HSPG2: variants seen among roughly 807,000 people sequenced by gnomAD.
HSPG2 encodes heparan sulfate proteoglycan 2, also known as basement membrane-specific heparan sulfate proteoglycan core protein.
In HSPG2, 278 loss-of-function variants were observed where a neutral mutation model predicts 526.6. That is an observed-to-expected ratio of 0.53 (90% CI 0.48 to 0.58). The LOEUF is 0.58. HSPG2 is among the 20% of genes least tolerant of loss of function. The pLI is 0.00. For missense variants in HSPG2, 5,354 were observed against 6,099.5 expected (o/e 0.88, Z 4.07); for synonymous variants, 2,465 against 2,555.4 (o/e 0.96, Z 1.07).
chr1:21,831,350 C>T, intron 83 of HSPG2, 26 bp from the exon 84 acceptor site: 6 of 1,609,698 alleles, frequency 3.7e-6, no homozygotes, highest in Non-Finnish European at 5.1e-6. Flanking sequence ...GCAGGATGAG[C>T]ACAGGGCAGG....
At chr1:21,920,652 T>C (rs114314102) in intron 1 of HSPG2, among the ~76,000 whole-genome samples, 1 of 152,374 alleles carries the variant, frequency 6.6e-6, no homozygotes, top group Non-Finnish European at 1.5e-5. Context: ...CACATTCCTG[T>C]TGGAGCAACA....
In HSPG2 at chr1:21,855,507, G is replaced by A. The variant is rs1293177646; in HGVS notation, c.5854+16C>T. 1.2e-6 allele frequency: 2 copies of A among 1,610,962 alleles called. No individual in the cohort carries two copies. Among genetic ancestry groups the A allele is most frequent in the Non-Finnish European group, 1.7e-6 (2 of 1,179,332 alleles). ...TGAGCACACTCCCGGCCCCCACCCT[G>A]AGCCCGGCCTCTCACCATGCACGTG... On this transcript the variant is annotated intron_variant, in intron 46 of 96. Coordinates refer to ENST00000374695, the MANE Select transcript of HSPG2 (RefSeq NM_005529.7).
In HSPG2 at chr1:21,887,957, C is replaced by T. The variant is rs1642058744; in HGVS notation, c.684G>A (p.Met228Ile). 6.2e-7 allele frequency: 1 copy of T among 1,614,068 alleles called. No homozygotes were observed. Among genetic ancestry groups the T allele is most frequent in the South Asian group, 1.1e-5 (1 of 91,090 alleles). The part of the protein sequence containing the change: ...RCDRRPDCRD[M>I]SDELNCEEPV... ...CCTCACCACAATTGAGCTCATCAGA[C>T]ATGTCCCTGCAGTCGGGCCGCCGGT... The change falls in exon 7 of 97, where the codon ATG becomes ATA. Residue 228 changes from methionine (M) to isoleucine (I), a missense_variant. Physicochemically the swap from Met to Ile is conservative, Grantham distance 10. Transcript: ENST00000374695. This position sits in a 1 kb window ranked among gnomAD's most constrained non-coding sequence, Gnocchi z 5.0.
chr1:21,823,919 C>CA, intron 95 of HSPG2, 200 bp from the exon 96 acceptor site: 2 of 728,476 alleles, frequency 2.7e-6, no homozygotes, highest in South Asian at 3.3e-5. Flanking sequence ...GGTTTCCTCC[C>CA]ACTCCTGGGG....
At chr1:21,927,561 T>C (rs1644236535) in intron 1 of HSPG2, among the ~76,000 whole-genome samples, 1 of 152,012 alleles carries the variant, frequency 6.6e-6, no homozygotes, top group Non-Finnish European at 1.5e-5. Flanking sequence ...ACCCTCAGGA[T>C]GCACGAACAT....
At chr1:21,866,589 T>C (rs1308856571) in intron 33 of HSPG2, among the ~76,000 whole-genome samples, 1 of 152,228 alleles carries the variant, frequency 6.6e-6, no homozygotes, top group Non-Finnish European at 1.5e-5. Context: ...GACTCTGCAG[T>C]TGCATGAGCC....
rs758206256 is a variant in HSPG2, at chr1:21,852,693, C to T, written c.6724+7G>A. 35 of 1,613,340 alleles carry T rather than the reference C, an allele frequency of 2.2e-5. No individual in the cohort carries two copies. The highest frequency in any genetic ancestry group is 3.0e-5 in the Non-Finnish European group (35 of 1,180,032). Reference sequence around the variant, plus strand: ...TCCAGCTTTCCATGTCACTGGGAGTCACTCACCAGGGATGACAGAGGCTTC... The same window carrying T: ...TCCAGCTTTCCATGTCACTGGGAGTTACTCACCAGGGATGACAGAGGCTTC... On this transcript the variant is annotated splice_region_variant and intron_variant, in intron 52 of 96. Coordinates refer to ENST00000374695, the MANE Select transcript of HSPG2 (RefSeq NM_005529.7).
chr1:21,888,767 C>G, intron 6 of HSPG2: 1 of 1,309,098 alleles, frequency 7.6e-7, no homozygotes, highest in South Asian at 1.2e-5. Flanking sequence ...GAGCCGGGAG[C>G]TGAGGGCTGC....
chr1:21,906,361 G>A (rs973556356), intron 1 of HSPG2, among the ~76,000 whole-genome samples: 2 of 152,254 alleles, frequency 1.3e-5, no homozygotes, highest in Non-Finnish European at 2.9e-5. Context: ...CTCAGCGCTT[G>A]TTCCCGTGGG....
Position 21,876,308 on chromosome 1 carries a change from TC to T in HSPG2, c.2923del (p.Glu975AsnfsTer28). The T allele has an allele frequency of 6.2e-7, 1 of 1,613,944 alleles. No individual in the cohort carries two copies. ...NEGIFSPTPG[E>X]LGFSSFHRLL... ...TCTGTGGAAGGAGGAGAATCCCAGT[TC>T]CCCGGGCGTGGGGGAGAAGATGCCC... On this transcript the variant is annotated frameshift_variant, in exon 23 of 97. Transcript: ENST00000374695. LOFTEE classifies it high-confidence loss of function.
chr1:21,880,885 C>A, intron 14 of HSPG2, 50 bp from the exon 15 acceptor site: 2 of 1,531,272 alleles, frequency 1.3e-6, no homozygotes, highest in Non-Finnish European at 1.8e-6. Flanking sequence ...ACACTTGACA[C>A]CTCGTGCCTA....
chr1:21,854,795 CA>C, intron 48 of HSPG2, 30 bp from the exon 49 acceptor site: 1 of 1,613,116 alleles, frequency 6.2e-7, no homozygotes, highest in Non-Finnish European at 8.5e-7. Flanking sequence ...CAGCAGGCCC[CA>C]GGGGAGCCCT....
At position 21,839,668 on chromosome 1, in the gene HSPG2, G is replaced by A; in HGVS notation, c.9710-118C>T. On this transcript the variant is annotated intron_variant, in intron 72 of 96. Coordinates refer to ENST00000374695, the MANE Select transcript of HSPG2 (RefSeq NM_005529.7). The surrounding 1 kb of genome is among the most constrained non-coding windows in gnomAD (Gnocchi z 4.5). ...TGTCCCTCTATGGGGACCCCAGTTG[G>A]GTTCCTCGGCCATCACTGGGGGATG... 7.1e-7 allele frequency: 1 copy of A among 1,407,918 alleles called. No homozygotes were observed. Among genetic ancestry groups the A allele is most frequent in the Non-Finnish European group, 9.8e-7 (1 of 1,019,284 alleles). 87.2% of individuals were successfully genotyped at this position (1,407,918 alleles called of 1,614,324 possible).
Position 21,839,712 on chromosome 1 carries a change from C to CT in HSPG2, c.9709+109_9709+110insA, listed in dbSNP as rs2098041083. The CT allele has an allele frequency of 4.0e-5, 57 of 1,408,820 alleles. No individual in the cohort carries two copies. The South Asian group carries it at 6.6e-4, about 16-fold the overall frequency. 87.3% of individuals were successfully genotyped at this position (1,408,820 alleles called of 1,614,324 possible). On this transcript the variant is annotated intron_variant, in intron 72 of 96. Coordinates refer to ENST00000374695, the MANE Select transcript of HSPG2 (RefSeq NM_005529.7). The surrounding 1 kb of genome is among the most constrained non-coding windows in gnomAD (Gnocchi z 4.5). ...GGGGATGCTAGCAACACGGTCTCCC[C>CT]GTACTCCCCACCCCTGGGCATGACA...
At chr1:21,870,253 T>C in intron 33 of HSPG2, 1 of 986,110 alleles carries the variant, frequency 1.0e-6, no homozygotes, top group South Asian at 4.7e-5. Context: ...CTCTGGGGGC[T>C]CTGGGATCCT....
intron 1 of HSPG2, among the ~76,000 whole-genome samples, chr1:21,936,529 G>A (rs1644493262): frequency 6.6e-6 from 1 of 152,156 alleles, no homozygotes; most frequent in South Asian, 2.1e-4. Flanking sequence ...CGTGGGGCTG[G>A]CCTCAGAGAG....
At chr1:21,922,850 C>G (rs1162770565) in intron 1 of HSPG2, among the ~76,000 whole-genome samples, 1 of 152,156 alleles carries the variant, frequency 6.6e-6, no homozygotes, top group Non-Finnish European at 1.5e-5. Context: ...TCCCAGTACC[C>G]CCTCCTCGAC....
chr1:21,875,683 C>G lies in HSPG2; in HGVS notation c.3248G>C (p.Gly1083Ala). 1 of 1,604,254 alleles carries G rather than the reference C, an allele frequency of 6.2e-7. No homozygotes were observed. Among genetic ancestry groups the G allele is most frequent in the Non-Finnish European group, 8.5e-7 (1 of 1,179,972 alleles). ...TGCTCGGATCAGGAGGGTGTCGATG[C>G]CTGCCAGTGCCATCAGCAGGTGCTC... ...TREHLLMALAGIDTLLIRASY... is the reference protein window; with the variant it reads ...TREHLLMALAAIDTLLIRASY... The change falls in exon 25 of 97, where the codon GGC becomes GCC. Residue 1083 changes from glycine to alanine, a missense_variant. Physicochemically the swap from Gly to Ala is moderately conservative, Grantham distance 60. Coordinates refer to ENST00000374695, the MANE Select transcript of HSPG2 (RefSeq NM_005529.7).
At chr1:21,923,559 C>T (rs1321939698) in intron 1 of HSPG2, among the ~76,000 whole-genome samples, 1 of 152,174 alleles carries the variant, frequency 6.6e-6, no homozygotes, top group Non-Finnish European at 1.5e-5. Flanking sequence ...GGGGAGCTGG[C>T]TCCCAGGTCC....
Sources: allele counts gnomAD v4.1 joint callset (sites outside exome capture counted in the v4.1 genomes callset), GRCh38; gene constraint gnomAD v4.1.1; non-coding constraint Gnocchi (gnomAD v3.1); transcripts MANE v1.5; gene names NCBI Gene and HGNC (gene_info 2026-07-23, HGNC 2026-07-21).